Variants in LMF1 observed in about 807,000 individuals in gnomAD.
The protein encoded by LMF1 is transmembrane protein 112.
Under a neutral mutation model 60.6 loss-of-function variants are expected in LMF1, and 68 were observed. That is an observed-to-expected ratio of 1.12 (90% confidence interval 0.92 to 1.37). LMF1 has a LOEUF of 1.37. LMF1 is among the 40% of genes most tolerant of loss of function. The pLI, the probability that LMF1 is intolerant of heterozygous loss-of-function variation, is 0.00. For missense variants in LMF1, 948 were observed against 767.2 expected (o/e 1.24, Z -2.78); for synonymous variants, 418 against 324.7 (o/e 1.29, Z -3.09).
chr16:855,899 G>A (rs1400427769), intron 10 of LMF1: 1 of 455,922 alleles, frequency 2.2e-6, no homozygotes, highest in East Asian at 6.9e-5. Context: ...AGGCTGGCAG[G>A]GTGAGGGCCT....
intron 4 of LMF1, chr16:902,587 T>C (rs569821767): frequency 5.8e-6 from 1 of 172,094 alleles, no homozygotes; most frequent in East Asian, 1.9e-4. Flanking sequence ...ACCTCTGCAC[T>C]GCCTGTGGGG....
At chr16:860,659 AT>A (rs2069435513) in intron 10 of LMF1, among the ~76,000 whole-genome samples, 1 of 152,142 alleles carries the variant, frequency 6.6e-6, no homozygotes, top group Non-Finnish European at 1.5e-5. Context: ...TGATTGTCTT[AT>A]GCTTTACGTT....
At chr16:954,284 CCAGGA>C in intron 2 of LMF1, 68 bp downstream of exon 2, 2 of 1,425,466 alleles carry the variant, frequency 1.4e-6, no homozygotes, top group Non-Finnish European at 1.9e-6. Context: ...TTTCCAAGTG[CCAGGA>C]CACCTGCAGT....
chr16:877,096 T>C (rs2070013370), intron 6 of LMF1, among the ~76,000 whole-genome samples: 1 of 151,772 alleles, frequency 6.6e-6, no homozygotes, highest in Non-Finnish European at 1.5e-5. Context: ...CTTTAGGAGG[T>C]CAGGCAGGAG....
intron 1 of LMF1, among the ~76,000 whole-genome samples, chr16:955,330 C>G (rs559295037): frequency 1.3e-5 from 2 of 151,646 alleles, no homozygotes; most frequent in South Asian, 4.2e-4. Context: ...TGCATACACA[C>G]ACACACATCT....
rs115997840 is a variant in LMF1 at position 963,476 on chromosome 16, T to C, written c.193+7312A>G. Among the ~76,000 whole-genome samples, 404 of 152,216 alleles carry C rather than the reference T, an allele frequency of 2.7e-3. 5 individuals are homozygous for C. Among genetic ancestry groups the C allele is most frequent in the African/African-American group, 9.3e-3 (388 of 41,528 alleles). ...CCCTGTGTCCATGTGTGCACGGGTG[T>C]ATGCATGTCTCTGTACACGTGTGCA... On this transcript the variant is annotated intron_variant, in intron 1 of 10. Coordinates refer to ENST00000262301, the MANE Select transcript of LMF1 (RefSeq NM_022773.4).
At chr16:893,452 T>A (rs1197563211) in intron 4 of LMF1, 2 of 455,840 alleles carry the variant, frequency 4.4e-6, no homozygotes, top group Non-Finnish European at 8.8e-6. Flanking sequence ...AGCTTCTCAG[T>A]GCCTCCAGGA....
intron 5 of LMF1, among the ~76,000 whole-genome samples, chr16:892,237 G>C (rs527834712): frequency 6.6e-6 from 1 of 152,232 alleles, no homozygotes; most frequent in Non-Finnish European, 1.5e-5. Flanking sequence ...AGACGATGAT[G>C]GCTTCCGCGT....
chr16:877,955 A>G (rs74534784), intron 6 of LMF1, among the ~76,000 whole-genome samples: 4,867 of 152,218 alleles, frequency 0.032, 258 homozygotes, highest in African/African-American at 0.11. Flanking sequence ...AAGTCACCTC[A>G]GAGCTGCAGC....
intron 3 of LMF1, among the ~76,000 whole-genome samples, chr16:920,848 G>A (rs1326025570): frequency 2.0e-5 from 3 of 152,236 alleles, no homozygotes; most frequent in Non-Finnish European, 4.4e-5. Flanking sequence ...GGGACAGATG[G>A]AGAGAGGGAG....
intron 2 of LMF1, among the ~76,000 whole-genome samples, chr16:935,277 T>C (rs2071907608): frequency 1.3e-5 from 2 of 152,046 alleles, no homozygotes; most frequent in Admixed American, 6.5e-5. Context: ...TTTTTGTATT[T>C]TCTATAGAGG....
chr16:872,183 T>C (rs1196759177), intron 6 of LMF1: 1 of 152,190 alleles, frequency 6.6e-6, no homozygotes, highest in Non-Finnish European at 1.5e-5. Context: ...TCGCCCTGCA[T>C]GGGTGATGGT....
At chr16:889,235 C>G (rs1188320835) in intron 5 of LMF1, among the ~76,000 whole-genome samples, 1 of 152,208 alleles carries the variant, frequency 6.6e-6, no homozygotes, top group East Asian at 1.9e-4. Context: ...GGGGGCTGGC[C>G]CCTTCTCTTG....
At position 870,714 on chromosome 16, in the gene LMF1, A is replaced by AC. The variant is rs1349931087; in HGVS notation, c.1232+14dup. On this transcript the variant is annotated intron_variant, in intron 8 of 10. Transcript: ENST00000262301. ...ATATACCCAGCTCCGGGGGACGGGG[A>AC]CCCCAGGCTCATACCTTCCGAAGGC... is the stretch of plus-strand genomic sequence containing the variant. 1.2e-6 allele frequency: 2 copies of AC among 1,612,006 alleles called. No homozygotes were observed. The highest frequency in any genetic ancestry group is 1.7e-6 in the Non-Finnish European group (2 of 1,179,654).
chr16:906,501 C>T (rs1032633745), intron 4 of LMF1, among the ~76,000 whole-genome samples: 9 of 152,188 alleles, frequency 5.9e-5, no homozygotes, highest in African/African-American at 2.2e-4. Flanking sequence ...GCCTCCTGCC[C>T]TCAAACATGG....
chr16:947,736 C>G (rs1403564617), intron 2 of LMF1: 4 of 369,114 alleles, frequency 1.1e-5, no homozygotes, highest in Non-Finnish European at 2.1e-5. Context: ...CTGCCAAAGC[C>G]AAGCGCGGAT....
intron 5 of LMF1, among the ~76,000 whole-genome samples, chr16:885,514 A>T (rs2070282315): frequency 6.6e-6 from 1 of 152,140 alleles, no homozygotes; most frequent in Admixed American, 6.5e-5. Flanking sequence ...AAACACAAAG[A>T]CACACACAGG....
intron 5 of LMF1, among the ~76,000 whole-genome samples, chr16:880,443 A>G (rs2070129025): frequency 6.6e-6 from 1 of 152,232 alleles, no homozygotes; most frequent in Non-Finnish European, 1.5e-5. Flanking sequence ...AGGCCAAGGC[A>G]GGCAGATCAC....
intron 3 of LMF1, among the ~76,000 whole-genome samples, chr16:914,772 TC>T (rs2071232981): frequency 1.2e-4 from 10 of 85,026 alleles, no homozygotes; most frequent in Non-Finnish European, 1.4e-4. Context: ...CCTCCCTCCC[TC>T]CCTTCCCATG....
Sources: gnomAD v4.1 joint callset for allele counts (sites outside exome capture counted in the v4.1 genomes callset) on GRCh38, gnomAD v4.1.1 for gene constraint, MANE v1.5 for transcripts, NCBI Gene and HGNC (gene_info 2026-07-23, HGNC 2026-07-21) for gene names.